The following ADAMTS16 variants were observed in gnomAD, a reference collection of about 807,000 sequenced individuals.
ADAMTS16 encodes the protein ADAM metallopeptidase with thrombospondin type 1 motif 16, also known as A disintegrin and metalloproteinase with thrombospondin motifs 16.
ADAMTS16 carries 94 observed loss-of-function variants against 145.8 expected under a neutral mutation model. The observed-to-expected ratio is 0.64, with a 90% CI of 0.55 to 0.77. The LOEUF is 0.77. ADAMTS16 is among the 30% of genes least tolerant of loss of function. ADAMTS16 has a pLI of 0.00. For missense variants in ADAMTS16, 1,585 were observed against 1,591.5 expected, an observed-to-expected ratio of 1.00 and a Z score of 0.07; for synonymous variants, 659 against 604.3, an observed-to-expected ratio of 1.09 and a Z score of -1.33.
intron 18 of ADAMTS16, among the ~76,000 whole-genome samples, chr5:5,273,468 A>T (rs1738563746): frequency 6.6e-6 from 1 of 152,238 alleles, no homozygotes; most frequent in African/African-American, 2.4e-5. Context: ...GGTTGCCCTG[A>T]TGGCACCACT....
intron 21 of ADAMTS16, among the ~76,000 whole-genome samples, chr5:5,315,694 C>G (rs1199862047): frequency 3.9e-5 from 6 of 152,136 alleles, no homozygotes; most frequent in African/African-American, 1.4e-4. Context: ...GGAATGCAGA[C>G]AGCAGAGAAA....
intron 11 of ADAMTS16, among the ~76,000 whole-genome samples, chr5:5,230,784 T>G (rs992737579): frequency 1.3e-5 from 2 of 152,200 alleles, no homozygotes; most frequent in African/African-American, 2.4e-5. Context: ...GCTCACAGAT[T>G]CCTGGTAAAA....
intron 3 of ADAMTS16, among the ~76,000 whole-genome samples, chr5:5,170,568 C>T (rs764851916): frequency 4.6e-5 from 7 of 151,736 alleles, no homozygotes; most frequent in Non-Finnish European, 8.8e-5. Flanking sequence ...AGTAGAGACG[C>T]GGTTTCTCCA....
At position 5,140,742 on chromosome 5, in the gene ADAMTS16, C is replaced by T; in HGVS notation, c.151C>T (p.Arg51Trp). The T allele has an allele frequency of 1.3e-6, 2 of 1,567,372 alleles. No individual in the cohort carries two copies. Among genetic ancestry groups the T allele is most frequent in the Admixed American group, 1.9e-5 (1 of 53,388 alleles). Residue 51 changes from arginine (R) to tryptophan (W), a missense_variant, in exon 2 of 23, where the codon CGG (arginine) becomes TGG (tryptophan). Coordinates refer to ENST00000274181, the MANE Select transcript of ADAMTS16 (RefSeq NM_139056.4). ...SVPRPPPPAERPGWMEKGEYD... is the reference protein window; with the variant it reads ...SVPRPPPPAEWPGWMEKGEYD... ...CCCGCGTCCTCCTCCACCCGCGGAG[C>T]GGCCGGGCTGGATGGAAAAGGGCGG...
At chr5:5,268,843 G>A (rs1738357450) in intron 18 of ADAMTS16, among the ~76,000 whole-genome samples, 1 of 152,152 alleles carries the variant, frequency 6.6e-6, no homozygotes, top group African/African-American at 2.4e-5. Flanking sequence ...AGCCCCTCAG[G>A]CAGGGGTCAC....
chr5:5,313,946 C>T, intron 21 of ADAMTS16, among the ~76,000 whole-genome samples: 1 of 152,126 alleles, frequency 6.6e-6, no homozygotes, highest in East Asian at 1.9e-4. Context: ...TATGTGGTGC[C>T]CAGAAAAACA....
intron 2 of ADAMTS16, among the ~76,000 whole-genome samples, chr5:5,144,746 C>T (rs1008871396): frequency 1.8e-4 from 28 of 152,156 alleles, no homozygotes; most frequent in Non-Finnish European, 1.5e-5. Context: ...ATTTAGAAGG[C>T]TATACATCTC....
At chr5:5,256,626 A>G (rs1418132451) in intron 17 of ADAMTS16, among the ~76,000 whole-genome samples, 1 of 152,246 alleles carries the variant, frequency 6.6e-6, no homozygotes, top group Non-Finnish European at 1.5e-5. Context: ...AAAACTAAGG[A>G]CATTAATAAA....
At chr5:5,259,446 C>T (rs111885070) in intron 17 of ADAMTS16, among the ~76,000 whole-genome samples, 4 of 152,330 alleles carry the variant, frequency 2.6e-5, no homozygotes, top group African/African-American at 9.6e-5. Flanking sequence ...AGGTCTCAAT[C>T]GAGTTTATTT....
intron 18 of ADAMTS16, among the ~76,000 whole-genome samples, chr5:5,300,920 A>G (rs534957227): frequency 3.3e-5 from 5 of 152,326 alleles, no homozygotes; most frequent in Admixed American, 2.6e-4. Flanking sequence ...CTTGAGGTCC[A>G]AACCTTTTTG....
intron 10 of ADAMTS16, among the ~76,000 whole-genome samples, chr5:5,215,866 ATG>A (rs1299495343): frequency 2.0e-5 from 1 of 50,590 alleles, no homozygotes; most frequent in African/African-American, 6.2e-5. Context: ...TGTGGTGTGT[ATG>A]TGTATATATA....
At chr5:5,189,285 G>A (rs987622157) in intron 6 of ADAMTS16, among the ~76,000 whole-genome samples, 8 of 152,166 alleles carry the variant, frequency 5.3e-5, no homozygotes, top group African/African-American at 1.7e-4. Context: ...ATGTTCTTCT[G>A]TGTCTCGAAT....
At chr5:5,175,075 C>A (rs1271739034) in intron 3 of ADAMTS16, among the ~76,000 whole-genome samples, 1 of 152,226 alleles carries the variant, frequency 6.6e-6, no homozygotes, top group Non-Finnish European at 1.5e-5. Context: ...CAGAAGAAGT[C>A]TCTGCCCATA....
chr5:5,313,504 G>T (rs909742746), intron 21 of ADAMTS16, among the ~76,000 whole-genome samples: 1 of 152,234 alleles, frequency 6.6e-6, no homozygotes, highest in East Asian at 1.9e-4. Context: ...GGAATGGCTT[G>T]CATGCGATCA....
intron 9 of ADAMTS16, among the ~76,000 whole-genome samples, chr5:5,206,594 C>G (rs1008473764): frequency 2.6e-5 from 4 of 151,530 alleles, no homozygotes; most frequent in Non-Finnish European, 5.9e-5. Flanking sequence ...ATTCTCCTGC[C>G]TCAGCCTCCT....
chr5:5,207,160 A>G (rs985552310), intron 9 of ADAMTS16, among the ~76,000 whole-genome samples: 1 of 152,228 alleles, frequency 6.6e-6, no homozygotes, highest in Non-Finnish European at 1.5e-5. Flanking sequence ...TCCTGACAAG[A>G]TTGAGTCTTC....
At chr5:5,163,084 G>A (rs1338272670) in intron 3 of ADAMTS16, among the ~76,000 whole-genome samples, 1 of 152,180 alleles carries the variant, frequency 6.6e-6, no homozygotes, top group Non-Finnish European at 1.5e-5. Context: ...TGACCAAAAA[G>A]GGTGAGGGTC....
At chr5:5,278,193 C>T (rs1738773362) in intron 18 of ADAMTS16, among the ~76,000 whole-genome samples, 1 of 152,176 alleles carries the variant, frequency 6.6e-6, no homozygotes, top group Non-Finnish European at 1.5e-5. Flanking sequence ...CTGCCCCAGC[C>T]ACTCACCCAT....
chr5:5,219,277 A>G (rs1012132807), intron 10 of ADAMTS16, among the ~76,000 whole-genome samples: 6 of 152,218 alleles, frequency 3.9e-5, no homozygotes, highest in Non-Finnish European at 7.3e-5. Flanking sequence ...AATATACAAT[A>G]AATTGTTGTT....
Sources: allele counts gnomAD v4.1 joint callset (sites outside exome capture counted in the v4.1 genomes callset), GRCh38; gene constraint gnomAD v4.1.1; transcripts MANE v1.5; gene names NCBI Gene and HGNC (gene_info 2026-07-23, HGNC 2026-07-21).